SRGAP1: variants seen among roughly 807,000 people sequenced by gnomAD.
SRGAP1 encodes the protein SLIT-ROBO Rho GTPase-activating protein 1.
In SRGAP1, 43 loss-of-function variants were observed where a neutral mutation model predicts 121.9. The ratio of observed to expected loss-of-function variants is 0.35; its 90% CI spans 0.28 to 0.46. The LOEUF (loss-of-function observed/expected upper bound fraction) is 0.46. Ranked by LOEUF, SRGAP1 falls within the 20% of genes least tolerant of loss-of-function variation. The pLI is 1.00. For missense variants in SRGAP1, 1,102 were observed against 1,350.9 expected (o/e 0.82, Z 2.89); for synonymous variants, 447 against 485.4 (o/e 0.92, Z 1.04).
intron 18 of SRGAP1, among the ~76,000 whole-genome samples, chr12:64,124,746 A>G (rs1005101354): frequency 1.3e-5 from 2 of 152,146 alleles, no homozygotes; most frequent in Non-Finnish European, 2.9e-5. Context: ...CTGAATTCCA[A>G]TTGTAAGTCT....
chr12:64,039,628 C>CGTGTGTGTGTGTGTATGTGTGTGTGT (rs2034971376), intron 4 of SRGAP1, among the ~76,000 whole-genome samples: 1 of 130,782 alleles, frequency 7.6e-6, no homozygotes, highest in African/African-American at 2.7e-5. Flanking sequence ...AGCTGAGCAA[C>CGTGTGTGTGTGTGTATGTGTGTGTGT]GTGTGTGTGT....
rs1178069442 is a variant in SRGAP1, at chr12:64,149,208, A to G, written c.*6536A>G. ...GTCAAAGGAATTGTTTTCCCAAACT[A>G]TGACGGAATAATGTTGAACTAACCT... On this transcript the variant is annotated 3_prime_UTR_variant, in exon 22 of 22. Coordinates refer to ENST00000355086, the MANE Select transcript of SRGAP1 (RefSeq NM_020762.4). 2 of 152,236 alleles carry G rather than the reference A, an allele frequency of 1.3e-5. No homozygotes were observed. Among genetic ancestry groups the G allele is most frequent in the East Asian group, 1.9e-4 (1 of 5,200 alleles). The allele number at this position is 152,236 out of a possible 1,614,324, so 9.4% of individuals were successfully genotyped here.
At chr12:64,033,365 C>G (rs2034825058) in intron 4 of SRGAP1, among the ~76,000 whole-genome samples, 1 of 152,118 alleles carries the variant, frequency 6.6e-6, no homozygotes, top group South Asian at 2.1e-4. Context: ...GATAAACTTG[C>G]CCTAAAGACC....
At position 64,111,798 on chromosome 12, in the gene SRGAP1, T is replaced by G. The variant is rs2136616228; in HGVS notation, c.1956T>G (p.Pro652=). ...ACAGCGATGAGAATATGATGGACCC[T>G]TATAACCTGGCCATTTGCTTTGGCC... is the stretch of plus-strand genomic sequence containing the variant. ...SQYSDENMMD[P]YNLAICFGPT... Residue 652 remains proline, a synonymous_variant, in exon 17 of 22, where the codon CCT becomes CCG. Coordinates refer to ENST00000355086, the MANE Select transcript of SRGAP1 (RefSeq NM_020762.4). The G allele has an allele frequency of 6.2e-7, 1 of 1,614,128 alleles. No individual in the cohort carries two copies. The highest frequency in any genetic ancestry group is 2.2e-5 in the East Asian group (1 of 44,878).
At chr12:63,924,703 G>C (rs938974423) in intron 1 of SRGAP1, among the ~76,000 whole-genome samples, 1 of 152,044 alleles carries the variant, frequency 6.6e-6, no homozygotes, top group Non-Finnish European at 1.5e-5. Context: ...TTGAAGGAGG[G>C]AGCAGTGTGG....
At chr12:63,959,659 CT>C in intron 1 of SRGAP1, among the ~76,000 whole-genome samples, 1 of 151,916 alleles carries the variant, frequency 6.6e-6, no homozygotes, top group Non-Finnish European at 1.5e-5. Context: ...GATTATGATT[CT>C]TTTAAATAAG....
At chr12:64,005,500 G>A (rs1160376453) in intron 3 of SRGAP1, among the ~76,000 whole-genome samples, 1 of 152,062 alleles carries the variant, frequency 6.6e-6, no homozygotes, top group African/African-American at 2.4e-5. Flanking sequence ...TTAAAAAATA[G>A]CTGGGCATGG....
At chr12:63,957,745 G>C (rs1164024573) in intron 1 of SRGAP1, among the ~76,000 whole-genome samples, 1 of 152,104 alleles carries the variant, frequency 6.6e-6, no homozygotes, top group Non-Finnish European at 1.5e-5. Context: ...TGCTTGTCTT[G>C]GTTACTTGTC....
chr12:63,990,710 G>A (rs2033535516), intron 3 of SRGAP1, among the ~76,000 whole-genome samples: 1 of 152,138 alleles, frequency 6.6e-6, no homozygotes. Flanking sequence ...GCCCAGGAAC[G>A]GACTACCTGT....
chr12:63,933,198 G>A (rs535099405), intron 1 of SRGAP1, among the ~76,000 whole-genome samples: 29 of 152,076 alleles, frequency 1.9e-4, no homozygotes, highest in South Asian at 4.2e-4. Context: ...AAACCTGCAC[G>A]TTATGCACAT....
At position 64,045,697 on chromosome 12, in the gene SRGAP1, G is replaced by T. The variant is rs575561937; in HGVS notation, c.801+2122G>T. Among the ~76,000 whole-genome samples, 113 of 152,172 alleles carry T rather than the reference G, an allele frequency of 7.4e-4. 2 individuals are homozygous for T. In the South Asian group the frequency reaches 0.022, roughly 30 times the overall value. ...GATCCACCTGGCTTAGCTTCCCAAA[G>T]TGCTGGGATTACAGGTGTGAACGTG... On this transcript the variant is annotated intron_variant, in intron 6 of 21. Transcript: ENST00000355086.
In SRGAP1 at chr12:64,132,629, G is replaced by A. The variant is rs183259812; in HGVS notation, c.2880+4429G>A. 2.9e-3 allele frequency among the ~76,000 whole-genome samples: 441 copies of A among 152,314 alleles called. 1 individual carries two copies. The highest frequency in any genetic ancestry group is 4.5e-3 in the Non-Finnish European group (306 of 68,026). ...TCTAAAAATTTTACTGAGGTAGAAG[G>A]TCCCTGAATTTTAGTCAGATTTATT... On this transcript the variant is annotated intron_variant, in intron 21 of 21. Coordinates refer to ENST00000355086, the MANE Select transcript of SRGAP1 (RefSeq NM_020762.4).
intron 21 of SRGAP1, among the ~76,000 whole-genome samples, 174 bp from the exon 22 acceptor site, chr12:64,142,121 A>T (rs1363042750): frequency 6.6e-6 from 1 of 152,206 alleles, no homozygotes; most frequent in Admixed American, 6.5e-5. Flanking sequence ...TGAATCAAGA[A>T]TCAAAATGAT....
chr12:63,909,197 A>T (rs2030374986), intron 1 of SRGAP1, among the ~76,000 whole-genome samples: 1 of 152,102 alleles, frequency 6.6e-6, no homozygotes, highest in Non-Finnish European at 1.5e-5. Context: ...CTACAATAAG[A>T]ATCTTAATGT....
intron 15 of SRGAP1, among the ~76,000 whole-genome samples, chr12:64,106,341 A>C (rs1458141519): frequency 6.6e-6 from 1 of 152,200 alleles, no homozygotes; most frequent in Non-Finnish European, 1.5e-5. Flanking sequence ...ATGCTAAATC[A>C]TCTTTGTCTT....
intron 1 of SRGAP1, among the ~76,000 whole-genome samples, chr12:63,914,765 T>G (rs2030703518): frequency 6.6e-6 from 1 of 152,148 alleles, no homozygotes; most frequent in African/African-American, 2.4e-5. Flanking sequence ...TCCCTCTGAT[T>G]CATTTACTAT....
intron 1 of SRGAP1, among the ~76,000 whole-genome samples, chr12:63,885,922 G>A (rs990119505): frequency 3.3e-5 from 5 of 152,088 alleles, no homozygotes; most frequent in Non-Finnish European, 7.4e-5. Flanking sequence ...AATCATCGGT[G>A]GGAAGAAAAG....
chr12:64,120,345 G>A (rs952445227), intron 18 of SRGAP1: 1 of 152,090 alleles, frequency 6.6e-6, no homozygotes, highest in African/African-American at 2.4e-5. Flanking sequence ...ACTTCTGCCT[G>A]GGTTACAACC....
At position 64,120,823 on chromosome 12, in the gene SRGAP1, C is replaced by T. The variant is rs570673523; in HGVS notation, c.2224+4930C>T. On this transcript the variant is annotated intron_variant, in intron 18 of 21. Transcript: ENST00000355086. ...TCATGTTCTAATGTTCTGCTTACCT[C>T]TCTGGGTTCCCACTTTCATTCCATT... 7.2e-5 allele frequency among the ~76,000 whole-genome samples: 11 copies of T among 152,288 alleles called. No homozygotes were observed. The South Asian group carries it at 2.3e-3, about 32-fold the overall frequency.
Sources: gnomAD v4.1 joint callset for allele counts (sites outside exome capture counted in the v4.1 genomes callset) on GRCh38, gnomAD v4.1.1 for gene constraint, MANE v1.5 for transcripts, NCBI Gene and HGNC (gene_info 2026-07-23, HGNC 2026-07-21) for gene names.